PLXDC1: variants seen among roughly 807,000 people sequenced by gnomAD.
PLXDC1 encodes plexin domain-containing protein 1.
PLXDC1 carries 39 observed loss-of-function variants against 61.3 expected under a neutral mutation model. The ratio of observed to expected loss-of-function variants is 0.64; its 90% CI spans 0.49 to 0.83. PLXDC1 has a LOEUF of 0.83. PLXDC1 is among the 40% of genes least tolerant of loss of function. The probability of loss-of-function intolerance (pLI) is 0.00; values close to 1 mark genes in which losing one functional copy is unlikely to be tolerated. For synonymous variants in PLXDC1, 212 were observed against 254.5 expected (o/e 0.83, Z 1.59); for missense variants, 596 against 666.5 (o/e 0.89, Z 1.17).
chr17:39,091,865 G>A (rs950638161), intron 7 of PLXDC1, among the ~76,000 whole-genome samples: 5 of 151,188 alleles, frequency 3.3e-5, no homozygotes, highest in Non-Finnish European at 7.4e-5. Context: ...AGGCTAAGGC[G>A]GGAGAATTGC....
chr17:39,129,734 AAAG>A lies in PLXDC1; in HGVS notation c.255+9917_255+9919del, dbSNP rs1567770423. 4.8e-5 allele frequency among the ~76,000 whole-genome samples: 7 copies of A among 147,328 alleles called. No homozygotes were observed. In the South Asian group the frequency reaches 1.4e-3, roughly 29 times the overall value. On this transcript the variant is annotated intron_variant, in intron 2 of 13. Coordinates refer to ENST00000315392, the MANE Select transcript of PLXDC1 (RefSeq NM_020405.5). The stretch of plus-strand genomic sequence containing the variant: ...AAGGAAAGAAAGAAAGAAAGAAAAG[AAAG>A]AAAGGAAAGAAAAGCAAGAAAGAAA...
chr17:39,144,803 C>T (rs963177446), intron 1 of PLXDC1: 17 of 152,234 alleles, frequency 1.1e-4, no homozygotes, highest in African/African-American at 3.6e-4. Flanking sequence ...GATTCACTCA[C>T]TCATGGCCCC....
chr17:39,098,506 C>T (rs925635309), intron 7 of PLXDC1, among the ~76,000 whole-genome samples: 3 of 152,184 alleles, frequency 2.0e-5, no homozygotes, highest in African/African-American at 7.2e-5. Context: ...CCACTGGGCT[C>T]ACTGCTGGGG....
intron 2 of PLXDC1, among the ~76,000 whole-genome samples, chr17:39,139,430 C>T (rs1052701885): frequency 1.3e-5 from 2 of 152,150 alleles, no homozygotes; most frequent in African/African-American, 4.8e-5. Context: ...TCTCTGGGTC[C>T]AGGAGGGAGT....
intron 7 of PLXDC1, among the ~76,000 whole-genome samples, chr17:39,103,994 G>T (rs559660143): frequency 2.0e-5 from 3 of 152,204 alleles, no homozygotes; most frequent in Non-Finnish European, 2.9e-5. Flanking sequence ...AAGTGTGAAA[G>T]TGCTGTGGCG....
intron 2 of PLXDC1, among the ~76,000 whole-genome samples, chr17:39,133,882 AT>A (rs1476466358): frequency 6.6e-6 from 1 of 152,070 alleles, no homozygotes; most frequent in African/African-American, 2.4e-5. Flanking sequence ...CCACCTCAGC[AT>A]CCCGAAGTGC....
At chr17:39,126,250 G>A (rs553915304) in intron 2 of PLXDC1, among the ~76,000 whole-genome samples, 6 of 152,028 alleles carry the variant, frequency 3.9e-5, no homozygotes, top group Non-Finnish European at 2.9e-5. Context: ...GTGAAACTCC[G>A]TCTCAAACAA....
At chr17:39,115,380 G>A (rs917290608) in intron 2 of PLXDC1, among the ~76,000 whole-genome samples, 2 of 152,254 alleles carry the variant, frequency 1.3e-5, no homozygotes, top group Non-Finnish European at 2.9e-5. Context: ...CTCTGCTTCA[G>A]GCCTCAGAAG....
intron 9 of PLXDC1, chr17:39,079,491 A>G (rs1421996021): frequency 4.2e-6 from 2 of 477,984 alleles, no homozygotes; most frequent in South Asian, 3.1e-5. Context: ...GAATCCAGGC[A>G]ATTCACATAC....
rs548544453 is a variant in PLXDC1 at position 39,128,577 on chromosome 17, G to A, written c.255+11077C>T. Among the ~76,000 whole-genome samples the A allele has an allele frequency of 3.3e-5, 5 of 152,164 alleles. No individual in the cohort carries two copies. In the South Asian group the frequency reaches 1.0e-3, roughly 32 times the overall value. ...TGTTGGCGAGGATGTAGAGAAATCG[G>A]AACCCTCATACATTGCTGGTGGGAA... On this transcript the variant is annotated intron_variant, in intron 2 of 13. Coordinates refer to ENST00000315392, the MANE Select transcript of PLXDC1 (RefSeq NM_020405.5).
At chr17:39,113,630 CAGG>C (rs1218855867) in intron 2 of PLXDC1, among the ~76,000 whole-genome samples, 1 of 152,066 alleles carries the variant, frequency 6.6e-6, no homozygotes, top group Non-Finnish European at 1.5e-5. Context: ...CACTTGAGGC[CAGG>C]AGTTCAAGAC....
At chr17:39,092,520 G>A (rs1286119547) in intron 7 of PLXDC1, among the ~76,000 whole-genome samples, 1 of 152,252 alleles carries the variant, frequency 6.6e-6, no homozygotes, top group African/African-American at 2.4e-5. Context: ...CTGTGCAGGG[G>A]CTGTGCTGAG....
rs1455249697 is a variant in PLXDC1 at position 39,109,040 on chromosome 17, C to T, written c.400-67G>A. 30 of 1,359,282 alleles carry T rather than the reference C, an allele frequency of 2.2e-5. No individual in the cohort carries two copies. The East Asian group carries it at 6.5e-4, about 29-fold the overall frequency. The allele number at this position is 1,359,282 out of a possible 1,614,324, so 84.2% of individuals were successfully genotyped here. A position where few individuals can be genotyped will look rare whatever the true frequency, so the allele number is the denominator to read the frequency against. ...GCCAGGGGCCTGGGCACCCACACTG[C>T]CTCATGCTTGTTTGGACAGAGTGGG... is the stretch of plus-strand genomic sequence containing the variant. On this transcript the variant is annotated intron_variant, in intron 3 of 13. Transcript: ENST00000315392.
chr17:39,134,193 G>A (rs1911657419), intron 2 of PLXDC1, among the ~76,000 whole-genome samples: 1 of 151,800 alleles, frequency 6.6e-6, no homozygotes, highest in Admixed American at 6.6e-5. Context: ...GGCGGAGCTT[G>A]CGGTGAACCG....
At position 39,143,086 on chromosome 17, in the gene PLXDC1, C is replaced by A. The variant is rs140168464; in HGVS notation, c.77-3254G>T. ...CTGGGAGGCAGAGGTTGCAGTGAGC[C>A]GAGATTGCGCCACTGTACTCCAGCC... On this transcript the variant is annotated intron_variant, in intron 1 of 13. Coordinates refer to ENST00000315392, the MANE Select transcript of PLXDC1 (RefSeq NM_020405.5). 7.2e-3 allele frequency among the ~76,000 whole-genome samples: 1,096 copies of A among 152,172 alleles called. 17 individuals are homozygous for A. Among genetic ancestry groups the A allele is most frequent in the African/African-American group, 0.025 (1,040 of 41,510 alleles).
At position 39,067,537 on chromosome 17, in the gene PLXDC1, A is replaced by G; in HGVS notation, c.*303T>C. 1 of 254,130 alleles carries G rather than the reference A, an allele frequency of 3.9e-6. No homozygotes were observed. The highest frequency in any genetic ancestry group is 7.6e-5 in the East Asian group (1 of 13,240). 15.7% of individuals were successfully genotyped at this position (254,130 alleles called of 1,614,324 possible). The stretch of plus-strand genomic sequence containing the variant: ...ATAGGTAAAGGCCCCTTAAACAAAA[A>G]TGGAGTTAGTTATGTTAGTTCTTCT... On this transcript the variant is annotated 3_prime_UTR_variant, in exon 14 of 14. Coordinates refer to ENST00000315392, the MANE Select transcript of PLXDC1 (RefSeq NM_020405.5).
chr17:39,109,350 G>T lies in PLXDC1; in HGVS notation c.297C>A (p.Pro99=). ...ACAGTTCCCGGCTGTGGGGCTCGCTGGGGCCATAGAGACGGGACACATAAT... is the reference window on the plus strand; with the variant it reads ...ACAGTTCCCGGCTGTGGGGCTCGCTTGGGCCATAGAGACGGGACACATAAT... The part of the protein sequence containing the change: ...HSYYVSRLYG[P]SEPHSRELWV... The change falls in exon 3 of 14, where the codon CCC becomes CCA. Residue 99 remains proline (P), a synonymous_variant. Transcript: ENST00000315392. 4 of 1,607,640 alleles carry T rather than the reference G, an allele frequency of 2.5e-6. No individual in the cohort carries two copies. The highest frequency in any genetic ancestry group is 3.4e-6 in the Non-Finnish European group (4 of 1,177,664).
chr17:39,123,077 G>T (rs1911215315), intron 2 of PLXDC1, among the ~76,000 whole-genome samples: 1 of 152,214 alleles, frequency 6.6e-6, no homozygotes, highest in Non-Finnish European at 1.5e-5. Context: ...CAAACATATT[G>T]TCTGTGGAGT....
chr17:39,088,000 C>G (rs1433807389), intron 7 of PLXDC1, among the ~76,000 whole-genome samples: 1 of 152,188 alleles, frequency 6.6e-6, no homozygotes, highest in Non-Finnish European at 1.5e-5. Context: ...CTGCTATTCC[C>G]CTGACCCAAG....
Sources: gnomAD v4.1 joint callset for allele counts (sites outside exome capture counted in the v4.1 genomes callset) on GRCh38, gnomAD v4.1.1 for gene constraint, MANE v1.5 for transcripts, NCBI Gene and HGNC (gene_info 2026-07-23, HGNC 2026-07-21) for gene names.